TMPO: variants seen among roughly 807,000 people sequenced by gnomAD.
The protein encoded by TMPO is LEM domain containing 4.
Under a neutral mutation model 45.4 loss-of-function variants are expected in TMPO, and 22 were observed. That is an observed-to-expected ratio of 0.48 (90% CI 0.35 to 0.69). The LOEUF (loss-of-function observed/expected upper bound fraction) is 0.69. Among genes scored for constraint, TMPO ranks in the 30% least tolerant of loss-of-function variants. The probability of loss-of-function intolerance (pLI) is 0.01; values close to 1 mark genes in which losing one functional copy is unlikely to be tolerated. For missense variants in TMPO, 512 were observed against 548.8 expected (o/e 0.93, Z 0.67); for synonymous variants, 241 against 204.1 (o/e 1.18, Z -1.54).
At chr12:98,533,612 C>A in intron 3 of TMPO, 1 of 1,614,182 alleles carries the variant, frequency 6.2e-7, no homozygotes, top group Non-Finnish European at 8.5e-7. Context: ...CAGAACATAC[C>A]TGGATCCGAA....
intron 3 of TMPO, chr12:98,535,535 A>G: frequency 2.0e-6 from 2 of 985,370 alleles, no homozygotes; most frequent in South Asian, 4.7e-5. Context: ...TCTGAAATGT[A>G]CATGTATACA....
chr12:98,538,471 G>C (rs1434448223), intron 4 of TMPO, among the ~76,000 whole-genome samples: 1 of 152,084 alleles, frequency 6.6e-6, no homozygotes, highest in African/African-American at 2.4e-5. Context: ...TCCTGCCTCA[G>C]CCTCCCAAGT....
Position 98,515,893 on chromosome 12 carries a change from C to G in TMPO, c.26C>G (p.Ser9Trp), listed in dbSNP as rs1285853015. Reference protein sequence around the residue: MPEFLEDPSVLTKDKLKSE... With the variant: MPEFLEDPWVLTKDKLKSE... Reference sequence around the variant, plus strand: ...ATGCCGGAGTTCCTGGAAGACCCCTCGGTCCTGACAAAAGACAAGTTGAAG... The same window carrying G: ...ATGCCGGAGTTCCTGGAAGACCCCTGGGTCCTGACAAAAGACAAGTTGAAG... Residue 9 changes from serine to tryptophan, a missense_variant, in exon 1 of 9, where the codon TCG becomes TGG. Ser to Trp is a radical substitution (Grantham distance 177). Transcript: ENST00000556029. The G allele has an allele frequency of 6.2e-7, 1 of 1,613,612 alleles. No individual in the cohort carries two copies. The highest frequency in any genetic ancestry group is 1.3e-5 in the African/African-American group (1 of 74,928).
intron 2 of TMPO, among the ~76,000 whole-genome samples, chr12:98,530,587 G>A (rs1384704774): frequency 6.6e-6 from 1 of 152,174 alleles, no homozygotes; most frequent in Non-Finnish European, 1.5e-5. Flanking sequence ...ATGTTCAAAT[G>A]TATTAAGAAT....
At position 98,515,765 on chromosome 12, in the gene TMPO, G is replaced by C; in HGVS notation, c.-103G>C. On this transcript the variant is annotated 5_prime_UTR_variant, in exon 1 of 9. Coordinates refer to ENST00000556029, the MANE Select transcript of TMPO (RefSeq NM_001032283.3). ...GCAGCGCTCTTCCCGGGCAGGAGCC[G>C]TGAGGCTCGGAGGCGGCAGCGCGGT... 6.5e-7 allele frequency: 1 copy of C among 1,545,788 alleles called. No homozygotes were observed. Among genetic ancestry groups the C allele is most frequent in the Non-Finnish European group, 8.7e-7 (1 of 1,145,364 alleles).
chr12:98,533,650 GTC>G lies in TMPO; in HGVS notation c.565+1817_565+1818del, dbSNP rs1877364478. The G allele has an allele frequency of 2.5e-6, 4 of 1,614,012 alleles. No individual in the cohort carries two copies. The highest frequency in any genetic ancestry group is 3.4e-6 in the Non-Finnish European group (4 of 1,180,018). On this transcript the variant is annotated intron_variant, in intron 3 of 8. Transcript: ENST00000556029. ...GATGTCTTCTTTTGCCAAAACTGTT[GTC>G]TCTCATTCACTCACTACCTTAGGTC...
chr12:98,516,962 G>A (rs1465540432), intron 1 of TMPO, among the ~76,000 whole-genome samples: 3 of 152,044 alleles, frequency 2.0e-5, no homozygotes, highest in African/African-American at 7.2e-5. Context: ...GGCATGCGCC[G>A]CCACGCCCGG....
At chr12:98,530,637 A>G (rs184409254) in intron 2 of TMPO, among the ~76,000 whole-genome samples, 18 of 152,330 alleles carry the variant, frequency 1.2e-4, no homozygotes, top group Admixed American at 2.0e-4. Flanking sequence ...TTTTCCATAA[A>G]AGGTCATTTT....
At position 98,533,889 on chromosome 12, in the gene TMPO, T is replaced by C. The variant is rs12316677; in HGVS notation, c.565+2051T>C. ...TAGATGATGAAATCCTAGGGTTTAT[T>C]TCTGAAGCCACTCCACTAGGAGGTA... On this transcript the variant is annotated intron_variant, in intron 3 of 8. Transcript: ENST00000556029. The C allele has an allele frequency of 6.2e-7, 1 of 1,614,054 alleles. No homozygotes were observed. The highest frequency in any genetic ancestry group is 1.7e-5 in the Admixed American group (1 of 59,994).
intron 2 of TMPO, 135 bp from the exon 3 acceptor site, chr12:98,531,545 G>T: frequency 1.1e-6 from 1 of 944,396 alleles, no homozygotes; most frequent in East Asian, 2.6e-5. Context: ...GCATTATATG[G>T]TATTTTTTTT....
chr12:98,540,501 C>G (rs1178817035), intron 4 of TMPO, among the ~76,000 whole-genome samples: 2 of 152,136 alleles, frequency 1.3e-5, no homozygotes, highest in African/African-American at 4.8e-5. Flanking sequence ...GCCTCAGCCT[C>G]CTGAGTAGCT....
Position 98,549,837 on chromosome 12 carries a change from T to C in TMPO, c.*1979T>C, listed in dbSNP as rs755580709. On this transcript the variant is annotated 3_prime_UTR_variant, in exon 9 of 9. Transcript: ENST00000556029. Reference sequence around the variant, plus strand: ...TTGCAATTGAGACCAGAAAGACTTGTAGGTCTTTCTGCAGAATGAGTGGGT... The same window carrying C: ...TTGCAATTGAGACCAGAAAGACTTGCAGGTCTTTCTGCAGAATGAGTGGGT... 2.0e-5 allele frequency: 3 copies of C among 152,176 alleles called. No homozygotes were observed. Among genetic ancestry groups the C allele is most frequent in the Admixed American group, 1.3e-4 (2 of 15,282 alleles). The allele number at this position is 152,176 out of a possible 1,614,324, so 9.4% of individuals were successfully genotyped here. A position where few individuals can be genotyped will look rare whatever the true frequency, so the allele number is the denominator to read the frequency against.
chr12:98,534,600 T>A, intron 3 of TMPO: 1 of 1,247,230 alleles, frequency 8.0e-7, no homozygotes, highest in South Asian at 1.7e-5. Flanking sequence ...TGTTTTCTGT[T>A]TCCTGCTTTA....
In TMPO at chr12:98,547,921, G is replaced by T. The variant is rs1047541442; in HGVS notation, c.*63G>T. ...TTTCAATAACTGTTGAAAAACATTT[G>T]TGTACACTTGTTGACTCCAAGAACT... is the stretch of plus-strand genomic sequence containing the variant. On this transcript the variant is annotated 3_prime_UTR_variant, in exon 9 of 9. Transcript: ENST00000556029. 19 of 1,561,488 alleles carry T rather than the reference G, an allele frequency of 1.2e-5. No individual in the cohort carries two copies. Among genetic ancestry groups the T allele is most frequent in the East Asian group, 2.2e-5 (1 of 44,626 alleles).
In TMPO at chr12:98,526,042, C is replaced by G. The variant is rs561176672; in HGVS notation, c.280-1844C>G. Among the ~76,000 whole-genome samples, 5 of 152,228 alleles carry G rather than the reference C, an allele frequency of 3.3e-5. No homozygotes were observed. The South Asian group carries it at 1.0e-3, about 32-fold the overall frequency. On this transcript the variant is annotated intron_variant, in intron 1 of 8. Coordinates refer to ENST00000556029, the MANE Select transcript of TMPO (RefSeq NM_001032283.3). ...TAAAAGGTATCCGTACTTTTGCTTC[C>G]TTTTTATTTGTTCAACCTTGGAAAT...
At position 98,546,347 on chromosome 12, in the gene TMPO, GTTTC is replaced by G. The variant is rs781322429; in HGVS notation, c.991-9_991-6del. 15 of 1,581,160 alleles carry G rather than the reference GTTTC, an allele frequency of 9.5e-6. No homozygotes were observed. The Middle Eastern group carries it at 5.2e-4, about 55-fold the overall frequency. ...TTAACTTGTGGTTGTTTGTTTGTCT[GTTTC>G]TTATTAGGTGGGAGAAAAAACAGAG... On this transcript the variant is annotated splice_polypyrimidine_tract_variant and splice_region_variant and intron_variant, in intron 7 of 8. Transcript: ENST00000556029.
At chr12:98,532,925 C>T (rs201119852) in intron 3 of TMPO, 5 of 1,614,048 alleles carry the variant, frequency 3.1e-6, no homozygotes, top group East Asian at 2.2e-5. Context: ...CAGGGTATTT[C>T]TTTTCCTGAA....
At position 98,533,887 on chromosome 12, in the gene TMPO, A is replaced by G. The variant is rs1592946334; in HGVS notation, c.565+2049A>G. 1.2e-6 allele frequency: 2 copies of G among 1,614,056 alleles called. No homozygotes were observed. The highest frequency in any genetic ancestry group is 3.3e-5 in the Admixed American group (2 of 59,996). The stretch of plus-strand genomic sequence containing the variant: ...AGTAGATGATGAAATCCTAGGGTTT[A>G]TTTCTGAAGCCACTCCACTAGGAGG... On this transcript the variant is annotated intron_variant, in intron 3 of 8. Transcript: ENST00000556029.
chr12:98,515,780 G>A lies in TMPO; in HGVS notation c.-88G>A, dbSNP rs1347629927. 1.3e-6 allele frequency: 2 copies of A among 1,549,838 alleles called. No homozygotes were observed. Among genetic ancestry groups the A allele is most frequent in the Non-Finnish European group, 1.7e-6 (2 of 1,147,534 alleles). Reference sequence around the variant, plus strand: ...GGCAGGAGCCGTGAGGCTCGGAGGCGGCAGCGCGGTCCCCGGCCAGGAGCA... The same window carrying A: ...GGCAGGAGCCGTGAGGCTCGGAGGCAGCAGCGCGGTCCCCGGCCAGGAGCA... On this transcript the variant is annotated 5_prime_UTR_variant, in exon 1 of 9. Coordinates refer to ENST00000556029, the MANE Select transcript of TMPO (RefSeq NM_001032283.3).
Sources: gnomAD v4.1 joint callset for allele counts (sites outside exome capture counted in the v4.1 genomes callset) on GRCh38, gnomAD v4.1.1 for gene constraint, MANE v1.5 for transcripts, NCBI Gene and HGNC (gene_info 2026-07-23, HGNC 2026-07-21) for gene names.